The following PROX2 variants were observed in gnomAD, a reference collection of about 807,000 sequenced individuals.
PROX2 encodes prospero homeobox protein 2.
PROX2 carries 46 observed loss-of-function variants against 48.9 expected under a neutral mutation model. The observed-to-expected ratio is 0.94, with a 90% CI of 0.74 to 1.20. PROX2 has a LOEUF of 1.20. Ranked by LOEUF, PROX2 falls within the 50% of genes most tolerant of loss-of-function variation. The pLI is 0.00. For missense variants in PROX2, 663 were observed against 719.4 expected (o/e 0.92, Z 0.90); for synonymous variants, 260 against 276.6 (o/e 0.94, Z 0.60).
At position 74,862,682 on chromosome 14, in the gene PROX2, T is replaced by C. The variant is rs1473490256; in HGVS notation, c.1153A>G (p.Thr385Ala). ...SEPALRPWRT[T>A]KPQPLVLSQQ... is the part of the protein sequence containing the mutation. ...CTCAGGACCAATGGTTGCGGCTTAG[T>C]AGTTCTCCAAGGTCGTAGGGCAGGC... The change falls in exon 3 of 6, where the codon ACT becomes GCT. Residue 385 changes from threonine (T) to alanine (A), a missense_variant. Physicochemically the swap from Thr to Ala is moderately conservative, Grantham distance 58. Transcript: ENST00000556489. 1.2e-6 allele frequency: 2 copies of C among 1,613,832 alleles called. No individual in the cohort carries two copies. The highest frequency in any genetic ancestry group is 1.7e-6 in the Non-Finnish European group (2 of 1,179,896).
At chr14:74,865,904 C>G (rs995939817) in intron 2 of PROX2, among the ~76,000 whole-genome samples, 1 of 152,108 alleles carries the variant, frequency 6.6e-6, no homozygotes, top group Non-Finnish European at 1.5e-5. Context: ...CAACGATACC[C>G]TGGATATGTT....
rs373721677 is a variant in PROX2, at chr14:74,863,637, G to A, written c.198C>T (p.Ala66=). The A allele has an allele frequency of 3.1e-6, 5 of 1,588,262 alleles. No homozygotes were observed. The highest frequency in any genetic ancestry group is 4.3e-6 in the Non-Finnish European group (5 of 1,167,672). The change falls in exon 3 of 6, where the codon GCC becomes GCT. Residue 66 remains alanine (A), a synonymous_variant. Coordinates refer to ENST00000556489, the MANE Select transcript of PROX2 (RefSeq NM_001243007.2). ...TGCCTCGGACAATGGTCTCCACTCT[G>A]GCCCTCTTTGCCTGGATGTGCTCAT... The part of the protein sequence containing the change: ...FGDEHIQAKR[A]RVETIVRGMC...
At position 74,853,796 on chromosome 14, in the gene PROX2, G is replaced by A. The variant is rs1406977563; in HGVS notation, c.*1336C>T. ...CACCCCACCCGGCGTACCTTTGGCA[G>A]TGCTTACAAAGACTTGATCCTGACT... On this transcript the variant is annotated 3_prime_UTR_variant, in exon 6 of 6. Coordinates refer to ENST00000556489, the MANE Select transcript of PROX2 (RefSeq NM_001243007.2). 6.8e-6 allele frequency: 1 copy of A among 147,804 alleles called. No individual in the cohort carries two copies. The highest frequency in any genetic ancestry group is 1.5e-5 in the Non-Finnish European group (1 of 67,206). 9.2% of individuals were successfully genotyped at this position (147,804 alleles called of 1,614,324 possible).
At chr14:74,871,500 G>A (rs1032517664) in intron 1 of PROX2, among the ~76,000 whole-genome samples, 2 of 152,134 alleles carry the variant, frequency 1.3e-5, no homozygotes, top group Non-Finnish European at 2.9e-5. Context: ...AAGGCTAGAT[G>A]TGGTAGCTCA....
rs927743794 is a variant in PROX2 at position 74,855,027 on chromosome 14, C to T, written c.*105G>A. The T allele has an allele frequency of 6.3e-5, 41 of 654,338 alleles. No individual in the cohort carries two copies. Among genetic ancestry groups the T allele is most frequent in the Admixed American group, 2.8e-4 (8 of 28,670 alleles). 40.5% of individuals were successfully genotyped at this position (654,338 alleles called of 1,614,324 possible). A position where few individuals can be genotyped will look rare whatever the true frequency, so the allele number is the denominator to read the frequency against. On this transcript the variant is annotated 3_prime_UTR_variant, in exon 6 of 6. Transcript: ENST00000556489. ...GTACCTGTTTTGATAGAGGAGATTT[C>T]CTTGTGCCCTTTTTATATGACTACA... is the stretch of plus-strand genomic sequence containing the variant.
intron 2 of PROX2, among the ~76,000 whole-genome samples, chr14:74,868,681 C>T (rs1594863627): frequency 1.3e-5 from 2 of 151,396 alleles, no homozygotes; most frequent in Non-Finnish European, 1.5e-5. Flanking sequence ...AAAAAAAATA[C>T]AAAAAATTAG....
chr14:74,873,393 G>A (rs976274453), intron 1 of PROX2, among the ~76,000 whole-genome samples: 8 of 152,294 alleles, frequency 5.3e-5, no homozygotes, highest in Non-Finnish European at 8.8e-5. Flanking sequence ...TAGGATTGTG[G>A]TGAGGATCAC....
intron 3 of PROX2, 133 bp from the exon 4 acceptor site, chr14:74,858,647 T>G: frequency 1.6e-6 from 1 of 607,600 alleles, no homozygotes; most frequent in Non-Finnish European, 2.9e-6. Flanking sequence ...TGCTCCATTT[T>G]TCTGTCTCTG....
At chr14:74,870,454 A>ACACACACACACACACACACACG (rs1883184476) in intron 2 of PROX2, among the ~76,000 whole-genome samples, 1 of 150,540 alleles carries the variant, frequency 6.6e-6, no homozygotes, top group African/African-American at 2.5e-5. Flanking sequence ...ACACACACAC[A>ACACACACACACACACACACACG]CACACACACA....
chr14:74,863,282 G>A lies in PROX2; in HGVS notation c.553C>T (p.Pro185Ser), dbSNP rs2140168766. 1.2e-6 allele frequency: 2 copies of A among 1,613,970 alleles called. No homozygotes were observed. Among genetic ancestry groups the A allele is most frequent in the Non-Finnish European group, 1.7e-6 (2 of 1,179,866 alleles). ...TGGTGGTCACCGTCCACAACCCAGG[G>A]GCGAGGCCCACAGCCATTCCCCTGC... ...AKQGNGCGPR[P>S]WVVDGDHQQG... Residue 185 changes from proline (P) to serine (S), a missense_variant, in exon 3 of 6, where the codon CCC (proline) becomes TCC (serine). By Grantham distance (74) the Pro-to-Ser change is moderately conservative. Coordinates refer to ENST00000556489, the MANE Select transcript of PROX2 (RefSeq NM_001243007.2).
chr14:74,866,479 G>A (rs1027144281), intron 2 of PROX2, among the ~76,000 whole-genome samples: 3 of 152,154 alleles, frequency 2.0e-5, no homozygotes, highest in African/African-American at 7.2e-5. Context: ...ATCAACCAAG[G>A]CAACTGAGAA....
In PROX2 at chr14:74,856,987, G is replaced by A. The variant is rs770485473; in HGVS notation, c.1422C>T (p.Arg474=). ...ACTTGATCATCTGGGAGGTAATGCA[G>A]CGGTTGAACTGTACAAACAAGAGGT... ...KVYFPDVQFN[R]CITSQMIKWF... Residue 474 remains arginine, a synonymous_variant, in exon 5 of 6, where the codon CGC becomes CGT. Coordinates refer to ENST00000556489, the MANE Select transcript of PROX2 (RefSeq NM_001243007.2). The A allele has an allele frequency of 1.9e-6, 3 of 1,613,906 alleles. No individual in the cohort carries two copies. Among genetic ancestry groups the A allele is most frequent in the East Asian group, 4.5e-5 (2 of 44,880 alleles).
intron 3 of PROX2, chr14:74,858,950 G>A (rs1184843253): frequency 6.5e-6 from 1 of 153,802 alleles, no homozygotes; most frequent in Non-Finnish European, 1.4e-5. Context: ...AAAACCCCAA[G>A]CAGAGATTTA....
rs115468054 is a variant in PROX2 at position 74,869,044 on chromosome 14, T to G, written c.-175+2059A>C. Among the ~76,000 whole-genome samples, 599 of 152,296 alleles carry G rather than the reference T, an allele frequency of 3.9e-3. 5 individuals are homozygous for G. Among genetic ancestry groups the G allele is most frequent in the African/African-American group, 0.012 (508 of 41,562 alleles). ...ATCCAATAAGTTAACACATGTTATATTTTTAGAACAGTTCCTGGCACTTAC... is the reference window on the plus strand; with the variant it reads ...ATCCAATAAGTTAACACATGTTATAGTTTTAGAACAGTTCCTGGCACTTAC... On this transcript the variant is annotated intron_variant, in intron 2 of 5. Transcript: ENST00000556489.
At chr14:74,867,913 C>T (rs1037720187) in intron 2 of PROX2, among the ~76,000 whole-genome samples, 4 of 152,156 alleles carry the variant, frequency 2.6e-5, no homozygotes, top group Admixed American at 2.0e-4. Flanking sequence ...TGGCTGGGTA[C>T]CCAGAGATGT....
intron 2 of PROX2, among the ~76,000 whole-genome samples, chr14:74,868,413 T>A (rs1183086097): frequency 2.0e-5 from 3 of 146,948 alleles, no homozygotes; most frequent in African/African-American, 7.5e-5. Flanking sequence ...TTTTAAATCT[T>A]TCATGTGGAT....
intron 2 of PROX2, among the ~76,000 whole-genome samples, chr14:74,866,348 G>T (rs909480143): frequency 6.6e-6 from 1 of 152,176 alleles, no homozygotes; most frequent in Non-Finnish European, 1.5e-5. Flanking sequence ...TAAAATTGAG[G>T]GTGGTCAGCA....
intron 2 of PROX2, among the ~76,000 whole-genome samples, chr14:74,865,675 C>A (rs1566781906): frequency 1.3e-5 from 2 of 151,214 alleles, no homozygotes; most frequent in African/African-American, 4.9e-5. Context: ...ACTAAAAATA[C>A]AAAAAATTAG....
intron 4 of PROX2, chr14:74,857,918 A>G (rs2091759169): frequency 6.6e-6 from 1 of 152,546 alleles, no homozygotes; most frequent in African/African-American, 2.4e-5. Flanking sequence ...GCACGCCACC[A>G]CGCCAGCTAG....
Sources: gnomAD v4.1 joint callset for allele counts (sites outside exome capture counted in the v4.1 genomes callset) on GRCh38, gnomAD v4.1.1 for gene constraint, MANE v1.5 for transcripts, NCBI Gene and HGNC (gene_info 2026-07-23, HGNC 2026-07-21) for gene names.